MPDZ: variants seen among roughly 807,000 people sequenced by gnomAD.
MPDZ encodes the protein multiple PDZ domain protein.
MPDZ carries 234 observed loss-of-function variants against 239.1 expected under a neutral mutation model. The observed-to-expected ratio is 0.98, with a 90% CI of 0.88 to 1.09. MPDZ has a LOEUF of 1.09. Among genes scored for constraint, MPDZ ranks in the 50% least tolerant of loss-of-function variants. The pLI, the probability that MPDZ is intolerant of heterozygous loss-of-function variation, is 0.00. For missense variants in MPDZ, 3,175 were observed against 2,510.0 expected, an observed-to-expected ratio of 1.26 and a Z score of -5.66; for synonymous variants, 1,048 against 881.3, an observed-to-expected ratio of 1.19 and a Z score of -3.35.
At position 13,121,878 on chromosome 9, in the gene MPDZ, T is replaced by G; in HGVS notation, c.5092A>C (p.Arg1698=). Residue 1698 remains arginine (R), a synonymous_variant, in exon 38 of 47, where the codon AGA becomes CGA. Coordinates refer to ENST00000319217, the MANE Select transcript of MPDZ (RefSeq NM_001378778.1). ...AGGCGCACTCTCTGTGGCGTCTGTC[T>G]CAGGACATTGATTGCTTCATCATGT... The part of the protein sequence containing the change: ...ATHDEAINVL[R]QTPQRVRLTL... 6.2e-7 allele frequency: 1 copy of G among 1,613,922 alleles called. No homozygotes were observed. The highest frequency in any genetic ancestry group is 8.5e-7 in the Non-Finnish European group (1 of 1,179,866).
At chr9:13,147,453 A>G (rs898080407) in intron 26 of MPDZ, 95 bp downstream of exon 26, 2 of 883,938 alleles carry the variant, frequency 2.3e-6, no homozygotes, top group South Asian at 1.5e-5. Context: ...AAAAATCACT[A>G]TCTTTACTCA....
chr9:13,254,726 A>C (rs1455781013), intron 1 of MPDZ, among the ~76,000 whole-genome samples: 2 of 152,222 alleles, frequency 1.3e-5, no homozygotes, highest in Admixed American at 1.3e-4. Context: ...GTAGTCTATT[A>C]AATGTGCAGT....
rs1345799214 is a variant in MPDZ at position 13,168,406 on chromosome 9, C to G, written c.3214G>C (p.Ala1072Pro). The change falls in exon 22 of 47, where the codon GCT (alanine) becomes CCT (proline). Residue 1072 changes from alanine (A) to proline (P), a missense_variant. Coordinates refer to ENST00000319217, the MANE Select transcript of MPDZ (RefSeq NM_001378778.1). ...TISVTNAQAR[A>P]MLRRHSLIGP... The stretch of plus-strand genomic sequence containing the variant: ...ATGAGAGAATGTCTTCTCAACATAG[C>G]TCGTGCCTGGGCATTGGTTACACTG... 6.2e-7 allele frequency: 1 copy of G among 1,613,486 alleles called. No homozygotes were observed. The highest frequency in any genetic ancestry group is 1.1e-5 in the South Asian group (1 of 91,066).
intron 3 of MPDZ, among the ~76,000 whole-genome samples, chr9:13,229,970 T>C (rs1296758450): frequency 1.3e-5 from 2 of 151,706 alleles, no homozygotes; most frequent in African/African-American, 2.4e-5. Context: ...ATCTAGAATA[T>C]ATAAAGAAAA....
At chr9:13,243,979 T>A (rs1478046033) in intron 3 of MPDZ, among the ~76,000 whole-genome samples, 1 of 152,196 alleles carries the variant, frequency 6.6e-6, no homozygotes, top group African/African-American at 2.4e-5. Flanking sequence ...GCCTGAGTCA[T>A]CTACATTATT....
rs545480624 is a variant in MPDZ at position 13,227,455 on chromosome 9, G to C, written c.184-2872C>G. 3.4e-4 allele frequency among the ~76,000 whole-genome samples: 52 copies of C among 152,100 alleles called. 1 individual carries two copies. The highest frequency in any genetic ancestry group is 3.4e-3 in the Middle Eastern group (1 of 294). On this transcript the variant is annotated intron_variant, in intron 3 of 46. Coordinates refer to ENST00000319217, the MANE Select transcript of MPDZ (RefSeq NM_001378778.1). Reference sequence around the variant, plus strand: ...CACGCAGCTCAGGTTGAAGCAGATGGCATAATGAAATTTGTGACAGCCTGA... The same window carrying C: ...CACGCAGCTCAGGTTGAAGCAGATGCCATAATGAAATTTGTGACAGCCTGA...
At chr9:13,222,158 A>G in intron 6 of MPDZ, 75 bp downstream of exon 6, 12 of 1,250,040 alleles carry the variant, frequency 9.6e-6, no homozygotes, top group Non-Finnish European at 1.3e-5. Context: ...ACCCTACACA[A>G]ATTAGAAACT....
Position 13,168,493 on chromosome 9 carries a change from T to G in MPDZ, c.3127A>C (p.Ser1043Arg), listed in dbSNP as rs544661403. The G allele has an allele frequency of 6.2e-7, 1 of 1,613,494 alleles. No individual in the cohort carries two copies. Among genetic ancestry groups the G allele is most frequent in the African/African-American group, 1.3e-5 (1 of 75,014 alleles). ...VRSIIHGGAI[S>R]RDGRIAIGDC... ...CCAATGGCAATCCGGCCATCTCGACTAATGGCACCTCCATGAATAATGCTT... is the reference window on the plus strand; with the variant it reads ...CCAATGGCAATCCGGCCATCTCGACGAATGGCACCTCCATGAATAATGCTT... Residue 1043 changes from serine (S) to arginine (R), a missense_variant, in exon 22 of 47, where the codon AGT (serine) becomes CGT (arginine). By Grantham distance (110) the Ser-to-Arg change is moderately radical (BLOSUM62 -1). Transcript: ENST00000319217.
chr9:13,123,692 G>C (rs749310187), intron 35 of MPDZ, among the ~76,000 whole-genome samples: 1 of 152,138 alleles, frequency 6.6e-6, no homozygotes, highest in Non-Finnish European at 1.5e-5. Context: ...AAGATTTATA[G>C]AACTCATAAC....
At chr9:13,236,860 T>A (rs530592564) in intron 3 of MPDZ, among the ~76,000 whole-genome samples, 2 of 151,854 alleles carry the variant, frequency 1.3e-5, no homozygotes, top group Admixed American at 6.6e-5. Flanking sequence ...ATGTTTTACC[T>A]CTCCCCTGAG....
intron 46 of MPDZ, among the ~76,000 whole-genome samples, chr9:13,108,694 T>C (rs1941902695): frequency 1.3e-5 from 2 of 152,178 alleles, no homozygotes; most frequent in Non-Finnish European, 2.9e-5. Context: ...TTCATTAATA[T>C]TTTTATGTAT....
At chr9:13,277,648 G>A (rs191436436) in intron 1 of MPDZ, among the ~76,000 whole-genome samples, 4 of 152,044 alleles carry the variant, frequency 2.6e-5, no homozygotes, top group African/African-American at 4.8e-5. Flanking sequence ...CAATGCAACC[G>A]CTGCCTCCCG....
At chr9:13,206,383 A>G (rs952718533) in intron 10 of MPDZ, among the ~76,000 whole-genome samples, 1 of 151,806 alleles carries the variant, frequency 6.6e-6, no homozygotes, top group African/African-American at 2.4e-5. Flanking sequence ...ACAGGCTTCT[A>G]TGCCTTTTTT....
chr9:13,178,526 C>T (rs1952821885), intron 19 of MPDZ, among the ~76,000 whole-genome samples: 1 of 152,122 alleles, frequency 6.6e-6, no homozygotes, highest in Admixed American at 6.6e-5. Flanking sequence ...AGGCAAATAA[C>T]TCATAATTTC....
At chr9:13,262,076 A>C (rs534117910) in intron 1 of MPDZ, among the ~76,000 whole-genome samples, 2 of 152,012 alleles carry the variant, frequency 1.3e-5, no homozygotes, top group East Asian at 3.9e-4. Flanking sequence ...TAAAAAAAAA[A>C]GGAATGTGAG....
At chr9:13,110,777 C>A (rs781232395) in intron 43 of MPDZ, 37 bp from the exon 44 acceptor site, 5 of 1,531,610 alleles carry the variant, frequency 3.3e-6, no homozygotes, top group Admixed American at 3.5e-5. Flanking sequence ...TCTGCTAAAG[C>A]AGCCATGGAG....
In MPDZ at chr9:13,206,024, G is replaced by C. The variant is rs767260604; in HGVS notation, c.1366C>G (p.Leu456Val). The change falls in exon 11 of 47, where the codon CTC (leucine) becomes GTC (valine). Residue 456 changes from leucine (L) to valine (V), a missense_variant. Transcript: ENST00000319217. ...ATTCCTCTCCTCATTAGTGTCAGGA[G>C]CACAGTTTGTCCTGTATGTCGCAAT... ...EVLRHTGQTV[L>V]LTLMRRGMKQ... 6.2e-7 allele frequency: 1 copy of C among 1,612,480 alleles called. No individual in the cohort carries two copies. The highest frequency in any genetic ancestry group is 1.7e-5 in the Admixed American group (1 of 59,904).
chr9:13,150,739 G>T, intron 24 of MPDZ, 51 bp from the exon 25 acceptor site: 1 of 1,191,238 alleles, frequency 8.4e-7, no homozygotes, highest in Non-Finnish European at 1.1e-6. Context: ...TAAGGGTAAA[G>T]CTTCATGATG....
rs935243501 is a variant in MPDZ at position 13,227,587 on chromosome 9, G to C, written c.184-3004C>G. Among the ~76,000 whole-genome samples, 11 of 152,102 alleles carry C rather than the reference G, an allele frequency of 7.2e-5. No homozygotes were observed. The East Asian group carries it at 9.6e-4, about 13-fold the overall frequency. Reference sequence around the variant, plus strand: ...ATGAACAAATCGCATCCCGAGAATAGAGAGTCTGTCTGTAAGAGATTCATG... The same window carrying C: ...ATGAACAAATCGCATCCCGAGAATACAGAGTCTGTCTGTAAGAGATTCATG... On this transcript the variant is annotated intron_variant, in intron 3 of 46. Coordinates refer to ENST00000319217, the MANE Select transcript of MPDZ (RefSeq NM_001378778.1).
Sources: gnomAD v4.1 joint callset for allele counts (sites outside exome capture counted in the v4.1 genomes callset) on GRCh38, gnomAD v4.1.1 for gene constraint, MANE v1.5 for transcripts, NCBI Gene and HGNC (gene_info 2026-07-23, HGNC 2026-07-21) for gene names.